The following PPFIA1 variants were observed in gnomAD, a reference collection of about 807,000 sequenced individuals.
PPFIA1 encodes the protein PPFI scaffold protein A1, also known as liprin-alpha-1.
PPFIA1 carries 25 observed loss-of-function variants against 149.9 expected under a neutral mutation model. The ratio of observed to expected loss-of-function variants is 0.17; its 90% CI spans 0.12 to 0.23. The LOEUF (loss-of-function observed/expected upper bound fraction) is 0.23, where lower values mean the gene tolerates loss of function less well. Among genes scored for constraint, PPFIA1 ranks in the 10% least tolerant of loss-of-function variants. The probability of loss-of-function intolerance (pLI) is 1.00; values close to 1 mark genes in which losing one functional copy is unlikely to be tolerated. For synonymous variants in PPFIA1, 549 were observed against 552.8 expected, an observed-to-expected ratio of 0.99 and a Z score of 0.10; for missense variants, 1,362 against 1,506.5, an observed-to-expected ratio of 0.90 and a Z score of 1.59.
Position 70,324,930 on chromosome 11 carries a change from T to A in PPFIA1, c.450T>A (p.Ser150=). The A allele has an allele frequency of 3.1e-6, 5 of 1,614,094 alleles. No homozygotes were observed. The highest frequency in any genetic ancestry group is 4.2e-6 in the Non-Finnish European group (5 of 1,179,980). ...RMTVVKRQAQ[S]PAGVSSEVEV... ...CCGTGGTGAAGAGACAAGCGCAGTC[T>A]CCAGCAGGCGTGTCCAGCGAAGTGG... The change falls in exon 4 of 28, where the codon TCT becomes TCA. Residue 150 remains serine (S), a synonymous_variant. Coordinates refer to ENST00000253925, the MANE Select transcript of PPFIA1 (RefSeq NM_003626.5).
At chr11:70,352,272 T>C (rs2137291435) in intron 16 of PPFIA1, among the ~76,000 whole-genome samples, 1 of 152,308 alleles carries the variant, frequency 6.6e-6, no homozygotes, top group Middle Eastern at 3.4e-3. Context: ...GTGAAGATAA[T>C]GATAGAACAG....
chr11:70,355,587 G>A lies in PPFIA1; in HGVS notation c.2316-52G>A, dbSNP rs527454593. The A allele has an allele frequency of 1.7e-5, 26 of 1,517,266 alleles. No individual in the cohort carries two copies. The African/African-American group carries it at 3.1e-4, about 18-fold the overall frequency. The allele number at this position is 1,517,266 out of a possible 1,614,324, so 94.0% of individuals were successfully genotyped here. A position where few individuals can be genotyped will look rare whatever the true frequency, so the allele number is the denominator to read the frequency against. On this transcript the variant is annotated intron_variant, in intron 17 of 27. Transcript: ENST00000253925. ...TAGGGAAGTTTGCGACTGTTAATAT[G>A]TGAAGTATCCTACAAGGGCACATAG...
At chr11:70,345,450 T>C (rs186571275) in intron 15 of PPFIA1, among the ~76,000 whole-genome samples, 49 of 152,178 alleles carry the variant, frequency 3.2e-4, no homozygotes, top group Non-Finnish European at 5.9e-4. Flanking sequence ...TGTATTGTTA[T>C]GGAGTGCCAA....
At position 70,362,280 on chromosome 11, in the gene PPFIA1, G is replaced by A. The variant is rs200243257; in HGVS notation, c.2665-8G>A. On this transcript the variant is annotated splice_region_variant and splice_polypyrimidine_tract_variant and intron_variant, in intron 20 of 27. Coordinates refer to ENST00000253925, the MANE Select transcript of PPFIA1 (RefSeq NM_003626.5). Reference sequence around the variant, plus strand: ...CTGTGCTGCCTTCCTTCCGCTTTCCGCCTCCAGCTCTGGGTTGGGATGCCA... The same window carrying A: ...CTGTGCTGCCTTCCTTCCGCTTTCCACCTCCAGCTCTGGGTTGGGATGCCA... 12 of 1,613,872 alleles carry A rather than the reference G, an allele frequency of 7.4e-6. No homozygotes were observed. Among genetic ancestry groups the A allele is most frequent in the Admixed American group, 3.3e-5 (2 of 60,014 alleles).
intron 21 of PPFIA1, chr11:70,371,434 ATGTTCTCTTGTTGGGTGGCGTGTT>A: frequency 5.6e-4 from 1 of 1,782 alleles, no homozygotes; most frequent in Non-Finnish European, 9.7e-4. Flanking sequence ...GGCGTGTTCT[ATGTTCTCTTGTTGGGTGGCGTGTT>A]CTGTATTCTC....
chr11:70,299,936 C>T (rs1335951031), intron 2 of PPFIA1, among the ~76,000 whole-genome samples: 1 of 152,232 alleles, frequency 6.6e-6, no homozygotes, highest in Non-Finnish European at 1.5e-5. Flanking sequence ...CAGTGTCTGT[C>T]TAGGCGCAGG....
At chr11:70,277,058 A>AT (rs34038893) in intron 2 of PPFIA1, among the ~76,000 whole-genome samples, 13,789 of 51,776 alleles carry the variant, frequency 0.27, 1,173 homozygotes, top group Middle Eastern at 0.31. Context: ...ATATATATAT[A>AT]TATTTTTTTT....
chr11:70,318,036 C>T (rs906344843), intron 2 of PPFIA1, among the ~76,000 whole-genome samples: 1 of 152,120 alleles, frequency 6.6e-6, no homozygotes, highest in Admixed American at 6.6e-5. Context: ...CCTTTCAGCT[C>T]CCTTGCCTCT....
intron 16 of PPFIA1, chr11:70,349,836 T>G (rs1035348281): frequency 6.7e-6 from 3 of 446,838 alleles, no homozygotes; most frequent in Non-Finnish European, 1.3e-5. Flanking sequence ...TTTTTTCTGG[T>G]TTTGTAATTC....
Position 70,339,477 on chromosome 11 carries a change from GTTTTGT to G in PPFIA1, c.1707+193_1707+198del, listed in dbSNP as rs143240286. On this transcript the variant is annotated intron_variant, in intron 14 of 27. Transcript: ENST00000253925. ...CTTTTAGAGCATTTTTTAAAATAGG[GTTTTGT>G]TTTTGTTTTTGTTTTTGTTTTAAAG... Among the ~76,000 whole-genome samples the G allele has an allele frequency of 8.6e-4, 131 of 152,174 alleles. 1 individual carries two copies. The East Asian group carries it at 0.013, about 16-fold the overall frequency.
chr11:70,356,120 C>T, intron 18 of PPFIA1, 41 bp from the exon 19 acceptor site: 1 of 1,450,170 alleles, frequency 6.9e-7, no homozygotes, highest in Non-Finnish European at 9.7e-7. Flanking sequence ...AGAGCTTTGT[C>T]ATGCTGATTT....
At chr11:70,357,015 A>AT (rs1232436532) in intron 19 of PPFIA1, among the ~76,000 whole-genome samples, 21 of 152,278 alleles carry the variant, frequency 1.4e-4, no homozygotes, top group Admixed American at 1.2e-3. Flanking sequence ...GCCTTCTGGG[A>AT]TGCGGGGTGA....
intron 7 of PPFIA1, among the ~76,000 whole-genome samples, chr11:70,329,258 T>C (rs1423179629): frequency 6.6e-6 from 1 of 152,106 alleles, no homozygotes; most frequent in Non-Finnish European, 1.5e-5. Context: ...GATATTTGAG[T>C]GTATATATTT....
At chr11:70,315,281 A>C (rs936982977) in intron 2 of PPFIA1, among the ~76,000 whole-genome samples, 1 of 152,204 alleles carries the variant, frequency 6.6e-6, no homozygotes, top group African/African-American at 2.4e-5. Flanking sequence ...TGAGATGATG[A>C]GACCAAATTT....
intron 2 of PPFIA1, among the ~76,000 whole-genome samples, chr11:70,311,524 A>G (rs1041890766): frequency 1.3e-5 from 2 of 152,180 alleles, no homozygotes; most frequent in Non-Finnish European, 2.9e-5. Context: ...GCAAAAATCA[A>G]CCAGTCCATC....
Position 70,341,163 on chromosome 11 carries a change from C to T in PPFIA1, c.1707+1857C>T, listed in dbSNP as rs377646147. The T allele has an allele frequency of 5.9e-3, 1,870 of 319,558 alleles. 37 individuals carry two copies. The highest frequency in any genetic ancestry group is 0.034 in the South Asian group (1,419 of 42,290). The allele number at this position is 319,558 out of a possible 1,614,324, so 19.8% of individuals were successfully genotyped here. ...AAGTGTTTGTGGACATATTTTTAAA[C>T]GATCCCTGTACGTCAGATGGTAATA... On this transcript the variant is annotated intron_variant, in intron 14 of 27. Coordinates refer to ENST00000253925, the MANE Select transcript of PPFIA1 (RefSeq NM_003626.5).
intron 2 of PPFIA1, among the ~76,000 whole-genome samples, chr11:70,275,602 A>G (rs938348599): frequency 1.3e-5 from 2 of 151,978 alleles, no homozygotes; most frequent in South Asian, 2.1e-4. Flanking sequence ...TGGGGCCAAG[A>G]GTCTCTCTTT....
intron 10 of PPFIA1, 28 bp from the exon 11 acceptor site, chr11:70,335,535 T>G (rs1032645882): frequency 2.9e-5 from 47 of 1,610,688 alleles, no homozygotes; most frequent in Admixed American, 5.0e-5. Context: ...TACGTGAGGT[T>G]TATAAGACTT....
chr11:70,330,046 C>T, intron 7 of PPFIA1, 127 bp from the exon 8 acceptor site: 1 of 849,034 alleles, frequency 1.2e-6, no homozygotes, highest in East Asian at 2.8e-5. Flanking sequence ...TGTATCTGGC[C>T]TGAGGATGCT....
Sources: gnomAD v4.1 joint callset for allele counts (sites outside exome capture counted in the v4.1 genomes callset) on GRCh38, gnomAD v4.1.1 for gene constraint, MANE v1.5 for transcripts, NCBI Gene and HGNC (gene_info 2026-07-23, HGNC 2026-07-21) for gene names.